Variants in DACH1 observed in about 807,000 individuals in gnomAD.
DACH1 encodes dachshund homolog 1.
In DACH1, 12 loss-of-function variants were observed where a neutral mutation model predicts 54.2. That is an observed-to-expected ratio of 0.22 (90% CI 0.14 to 0.36). The LOEUF is 0.36. Ranked by LOEUF, DACH1 falls within the 10% of genes least tolerant of loss-of-function variation. DACH1 has a pLI of 1.00. For synonymous variants in DACH1, 386 were observed against 366.2 expected, an observed-to-expected ratio of 1.05 and a Z score of -0.62; for missense variants, 805 against 929.8, an observed-to-expected ratio of 0.87 and a Z score of 1.75.
intron 3 of DACH1, among the ~76,000 whole-genome samples, chr13:71,598,886 G>T (rs1448467426): frequency 6.6e-6 from 1 of 152,124 alleles, no homozygotes; most frequent in Non-Finnish European, 1.5e-5. Context: ...TTCCACATTT[G>T]CAAAGGAGCA....
chr13:71,533,733 T>TTCTC (rs372180782), intron 6 of DACH1, among the ~76,000 whole-genome samples: 1 of 149,476 alleles, frequency 6.7e-6, no homozygotes, highest in Admixed American at 6.7e-5. Context: ...CTCTGTCTCA[T>TTCTC]TCTCTCTCTC....
intron 1 of DACH1, among the ~76,000 whole-genome samples, chr13:71,863,833 T>A (rs747665882): frequency 6.7e-6 from 1 of 148,998 alleles, no homozygotes; most frequent in African/African-American, 2.5e-5. Flanking sequence ...GTATCTAGTG[T>A]GCTGTAAGAA....
chr13:71,632,011 T>C (rs561904095), intron 2 of DACH1, among the ~76,000 whole-genome samples: 1 of 151,536 alleles, frequency 6.6e-6, no homozygotes, highest in African/African-American at 2.4e-5. Context: ...GGTAGGAGAA[T>C]CAGTTGAGCC....
chr13:71,754,236 G>A (rs1566480276), intron 1 of DACH1, among the ~76,000 whole-genome samples: 2 of 152,038 alleles, frequency 1.3e-5, no homozygotes, highest in Non-Finnish European at 2.9e-5. Context: ...CTCTCTGATC[G>A]TGCCCATTTC....
intron 3 of DACH1, among the ~76,000 whole-genome samples, chr13:71,603,553 T>A (rs1213474094): frequency 1.3e-5 from 2 of 151,866 alleles, no homozygotes; most frequent in Non-Finnish European, 2.9e-5. Flanking sequence ...CTCTGCAGAG[T>A]TGTGATAGCA....
chr13:71,647,831 C>A (rs1878394684), intron 2 of DACH1, among the ~76,000 whole-genome samples: 1 of 152,202 alleles, frequency 6.6e-6, no homozygotes, highest in Non-Finnish European at 1.5e-5. Context: ...CAAAAAGAAG[C>A]CCACTTACTT....
intron 2 of DACH1, among the ~76,000 whole-genome samples, chr13:71,642,277 C>A (rs1877964579): frequency 6.6e-6 from 1 of 152,142 alleles, no homozygotes; most frequent in Non-Finnish European, 1.5e-5. Context: ...AAGAACCAAA[C>A]TAAAACTAAG....
intron 3 of DACH1, among the ~76,000 whole-genome samples, chr13:71,620,792 T>C (rs962061169): frequency 1.3e-5 from 2 of 152,050 alleles, no homozygotes; most frequent in Non-Finnish European, 2.9e-5. Context: ...TCTTAAAATG[T>C]AGTATCTTCC....
intron 1 of DACH1, among the ~76,000 whole-genome samples, chr13:71,745,469 A>T (rs1017095606): frequency 6.6e-6 from 1 of 152,236 alleles, no homozygotes; most frequent in African/African-American, 2.4e-5. Context: ...CTATCATAAT[A>T]TATAAATTCT....
intron 1 of DACH1, among the ~76,000 whole-genome samples, chr13:71,780,860 T>G (rs1886339538): frequency 6.6e-6 from 1 of 152,146 alleles, no homozygotes; most frequent in African/African-American, 2.4e-5. Flanking sequence ...TAGGCCGGTC[T>G]CAGTGGCTCA....
intron 6 of DACH1, 102 bp downstream of exon 6, chr13:71,556,920 CTT>C: frequency 1.7e-6 from 2 of 1,186,726 alleles, no homozygotes; most frequent in Non-Finnish European, 2.3e-6. Context: ...CATTTATATG[CTT>C]TTTTTTTACA....
intron 1 of DACH1, among the ~76,000 whole-genome samples, chr13:71,816,591 T>C (rs561516831): frequency 7.9e-5 from 8 of 101,346 alleles, no homozygotes; most frequent in African/African-American, 2.0e-4. Flanking sequence ...CGTATATATA[T>C]ACACACATAT....
chr13:71,525,471 T>C (rs1396928951), intron 6 of DACH1, among the ~76,000 whole-genome samples: 3 of 152,130 alleles, frequency 2.0e-5, no homozygotes, highest in African/African-American at 7.2e-5. Flanking sequence ...TTTTAAACAA[T>C]ATAAATTATT....
At chr13:71,706,547 C>A (rs2138765743) in intron 1 of DACH1, among the ~76,000 whole-genome samples, 1 of 152,206 alleles carries the variant, frequency 6.6e-6, no homozygotes, top group East Asian at 1.9e-4. Flanking sequence ...ATATTCCATT[C>A]TTTTCAAGCA....
intron 1 of DACH1, among the ~76,000 whole-genome samples, chr13:71,688,964 C>G (rs1881327717): frequency 6.6e-6 from 1 of 152,142 alleles, no homozygotes; most frequent in Admixed American, 6.6e-5. Flanking sequence ...AGAGTTTTCA[C>G]TATATTAATA....
chr13:71,659,486 G>A (rs1305480120), intron 2 of DACH1, among the ~76,000 whole-genome samples: 1 of 152,076 alleles, frequency 6.6e-6, no homozygotes, highest in East Asian at 1.9e-4. Flanking sequence ...GTGGCTAAGG[G>A]ATTCAGGAGG....
At chr13:71,484,752 T>C (rs1259715226) in intron 7 of DACH1, among the ~76,000 whole-genome samples, 1 of 152,154 alleles carries the variant, frequency 6.6e-6, no homozygotes, top group African/African-American at 2.4e-5. Context: ...CAACCCTATG[T>C]GCCAAAAGGT....
chr13:71,665,824 A>C (rs991954610), intron 2 of DACH1, among the ~76,000 whole-genome samples: 2 of 152,144 alleles, frequency 1.3e-5, no homozygotes, highest in Non-Finnish European at 2.9e-5. Context: ...AACAAGATTT[A>C]TAATTATTTA....
rs139409259 is a variant in DACH1, at chr13:71,505,991, T to C, written c.1571-16843A>G. 1.7e-3 allele frequency among the ~76,000 whole-genome samples: 266 copies of C among 152,268 alleles called. 1 individual carries two copies. The highest frequency in any genetic ancestry group is 6.2e-3 in the African/African-American group (258 of 41,574). Reference sequence around the variant, plus strand: ...AACAAAACATGCAGATTTTGTTCCTTCATCCTCTTGATATAGATTAAAAAC... The same window carrying C: ...AACAAAACATGCAGATTTTGTTCCTCCATCCTCTTGATATAGATTAAAAAC... On this transcript the variant is annotated intron_variant, in intron 6 of 10. Coordinates refer to ENST00000613252, the MANE Select transcript of DACH1 (RefSeq NM_080759.6).
Sources: allele counts gnomAD v4.1 joint callset (sites outside exome capture counted in the v4.1 genomes callset), GRCh38; gene constraint gnomAD v4.1.1; transcripts MANE v1.5; gene names NCBI Gene and HGNC (gene_info 2026-07-23, HGNC 2026-07-21).